TOGARAM2: variants seen among roughly 807,000 people sequenced by gnomAD.
TOGARAM2 encodes the protein TOG array regulator of axonemal microtubules protein 2.
TOGARAM2 carries 85 observed loss-of-function variants against 93.3 expected under a neutral mutation model. The observed-to-expected ratio is 0.91, with a 90% confidence interval of 0.76 to 1.09. TOGARAM2 has a LOEUF of 1.09. Ranked by LOEUF, TOGARAM2 falls within the 50% of genes least tolerant of loss-of-function variation. TOGARAM2 has a pLI of 0.00. For synonymous variants in TOGARAM2, 593 were observed against 552.8 expected, an observed-to-expected ratio of 1.07 and a Z score of -1.02; for missense variants, 1,277 against 1,334.5, an observed-to-expected ratio of 0.96 and a Z score of 0.67.
At chr2:29,011,964 T>A (rs1664278651) in intron 7 of TOGARAM2, among the ~76,000 whole-genome samples, 1 of 152,126 alleles carries the variant, frequency 6.6e-6, no homozygotes, top group Non-Finnish European at 1.5e-5. Context: ...AGAGTATTCC[T>A]CACCTAGAGA....
Position 29,024,202 on chromosome 2 carries a change from G to T in TOGARAM2, c.1681G>T (p.Ala561Ser). The change falls in exon 13 of 20, where the codon GCC becomes TCC. Residue 561 changes from alanine (A) to serine (S), a missense_variant. Physicochemically the swap from Ala to Ser is moderately conservative, Grantham distance 99 (BLOSUM62 1). Coordinates refer to ENST00000379558, the MANE Select transcript of TOGARAM2 (RefSeq NM_199280.4). The part of the protein sequence containing the change: ...AISTLGDLFQ[A>S]LKKNMDQEAE... ...CAGCACCTTGGGAGACCTCTTCCAG[G>T]CCTTGAAGAAGAATATGGACCAGGA... The T allele has an allele frequency of 1.2e-6, 2 of 1,606,042 alleles. No homozygotes were observed. Among genetic ancestry groups the T allele is most frequent in the South Asian group, 1.1e-5 (1 of 89,346 alleles).
At chr2:28,986,393 A>G (rs73922925) in intron 1 of TOGARAM2, among the ~76,000 whole-genome samples, 7,525 of 152,226 alleles carry the variant, frequency 0.049, 598 homozygotes, top group African/African-American at 0.17. Flanking sequence ...CTGAGCTGCT[A>G]TTACAAATGG....
intron 1 of TOGARAM2, among the ~76,000 whole-genome samples, chr2:28,982,926 A>G (rs1672274233): frequency 6.6e-6 from 1 of 151,976 alleles, no homozygotes; most frequent in South Asian, 2.1e-4. Context: ...TAATCATGCT[A>G]CTAATTTTTC....
chr2:29,039,807 T>G (rs1666325265), intron 18 of TOGARAM2, among the ~76,000 whole-genome samples: 1 of 152,216 alleles, frequency 6.6e-6, no homozygotes, highest in South Asian at 2.1e-4. Flanking sequence ...AGTTCCTGAG[T>G]AGAACTGGTT....
chr2:29,033,989 G>A (rs1204602562), intron 16 of TOGARAM2, among the ~76,000 whole-genome samples: 1 of 152,228 alleles, frequency 6.6e-6, no homozygotes, highest in African/African-American at 2.4e-5. Context: ...GGGAGGAGGG[G>A]GTGTGGGGTT....
At chr2:29,049,485 G>A (rs34872697) in intron 19 of TOGARAM2, 1 of 152,212 alleles carries the variant, frequency 6.6e-6, no homozygotes. Flanking sequence ...TAGGGATTCA[G>A]GATACTTTTG....
At chr2:29,035,875 G>A (rs1237430779) in intron 17 of TOGARAM2, among the ~76,000 whole-genome samples, 1 of 152,208 alleles carries the variant, frequency 6.6e-6, no homozygotes, top group Non-Finnish European at 1.5e-5. Context: ...CCTTCTAGCA[G>A]ATTTACAGTG....
At chr2:29,014,314 A>C (rs1255228708) in intron 7 of TOGARAM2, 81 bp from the exon 8 acceptor site, 1 of 1,494,768 alleles carries the variant, frequency 6.7e-7, no homozygotes, top group African/African-American at 1.4e-5. Flanking sequence ...GCTTAGCAGT[A>C]GAATTGAGCC....
At chr2:29,024,498 A>C (rs1665204029) in intron 13 of TOGARAM2, 124 bp downstream of exon 13, 1 of 826,196 alleles carries the variant, frequency 1.2e-6, no homozygotes, top group Non-Finnish European at 1.9e-6. Flanking sequence ...CAGGCAAGTG[A>C]GGCTGCAGGG....
At chr2:28,992,416 G>A (rs762417700) in intron 1 of TOGARAM2, among the ~76,000 whole-genome samples, 2 of 152,148 alleles carry the variant, frequency 1.3e-5, no homozygotes, top group East Asian at 1.9e-4. Flanking sequence ...ATGCTTTGGC[G>A]AGCCATGGAA....
chr2:29,022,925 G>A (rs1665054453), intron 11 of TOGARAM2, among the ~76,000 whole-genome samples, 161 bp from the exon 12 acceptor site: 1 of 152,212 alleles, frequency 6.6e-6, no homozygotes, highest in Non-Finnish European at 1.5e-5. Flanking sequence ...TTCCAGGCCA[G>A]GGTGTTACCC....
At chr2:29,011,854 G>A (rs576143596) in intron 7 of TOGARAM2, among the ~76,000 whole-genome samples, 2 of 152,344 alleles carry the variant, frequency 1.3e-5, no homozygotes, top group African/African-American at 4.8e-5. Flanking sequence ...CTCCCTGGTC[G>A]CTGAGCCCCA....
chr2:28,966,435 C>T (rs1671869602), intron 1 of TOGARAM2, among the ~76,000 whole-genome samples: 1 of 151,746 alleles, frequency 6.6e-6, no homozygotes, highest in Non-Finnish European at 1.5e-5. Flanking sequence ...GTAGCTGGGA[C>T]TACAGGCGCA....
At chr2:29,027,520 T>G (rs2148358725) in intron 14 of TOGARAM2, among the ~76,000 whole-genome samples, 1 of 151,976 alleles carries the variant, frequency 6.6e-6, no homozygotes, top group Admixed American at 6.5e-5. Context: ...ATCCCAGCAC[T>G]TTGGGAGGCC....
At chr2:28,967,390 C>A (rs1031164182) in intron 1 of TOGARAM2, among the ~76,000 whole-genome samples, 1 of 151,956 alleles carries the variant, frequency 6.6e-6, no homozygotes, top group Admixed American at 6.6e-5. Flanking sequence ...TGGGAGGATC[C>A]CTTGAGCCCA....
intron 18 of TOGARAM2, among the ~76,000 whole-genome samples, chr2:29,038,037 A>G (rs1356788526): frequency 1.3e-5 from 2 of 152,200 alleles, no homozygotes; most frequent in Non-Finnish European, 2.9e-5. Context: ...CCATCAGGCC[A>G]GCCTCCTTGA....
chr2:29,013,297 G>A (rs966452509), intron 7 of TOGARAM2, among the ~76,000 whole-genome samples: 1 of 152,210 alleles, frequency 6.6e-6, no homozygotes, highest in African/African-American at 2.4e-5. Flanking sequence ...AAGAGCATTC[G>A]AAGGTTACTG....
At position 28,956,639 on chromosome 2, in the gene TOGARAM2, G is replaced by A. The variant is rs1285244070; in HGVS notation, c.-205G>A. On this transcript the variant is annotated 5_prime_UTR_variant, in exon 1 of 7. Transcript: ENST00000401723. The surrounding 1 kb of genome is among the most constrained non-coding windows in gnomAD (Gnocchi z 4.5). ...GGGGTGCTTCCTGTTTCTCAGTAAA[G>A]TGAAGTTGCGGCGACCTCGTGCCTG... is the stretch of plus-strand genomic sequence containing the variant. The A allele has an allele frequency of 6.6e-6, 1 of 152,198 alleles. No individual in the cohort carries two copies. Among genetic ancestry groups the A allele is most frequent in the African/African-American group, 2.4e-5 (1 of 41,432 alleles). The allele number at this position is 152,198 out of a possible 1,614,324, so 9.4% of individuals were successfully genotyped here.
At chr2:28,958,732 G>T (rs1671759371) in intron 1 of TOGARAM2, among the ~76,000 whole-genome samples, 1 of 152,178 alleles carries the variant, frequency 6.6e-6, no homozygotes, top group South Asian at 2.1e-4. Context: ...CACCAGGCTT[G>T]TCGGGATTGT....
Sources: gnomAD v4.1 joint callset for allele counts (sites outside exome capture counted in the v4.1 genomes callset) on GRCh38, gnomAD v4.1.1 for gene constraint, Gnocchi (gnomAD v3.1) non-coding constraint, MANE v1.5 for transcripts, NCBI Gene and HGNC (gene_info 2026-07-23, HGNC 2026-07-21) for gene names.